The following DBX2 variants were observed in gnomAD, a reference collection of about 807,000 sequenced individuals.
DBX2 encodes the protein homeobox protein DBX2.
In DBX2, 16 loss-of-function variants were observed where a neutral mutation model predicts 17.7. The ratio of observed to expected loss-of-function variants is 0.90; its 90% CI spans 0.61 to 1.37. DBX2 has a LOEUF of 1.37. Ranked by LOEUF, DBX2 falls within the 40% of genes most tolerant of loss-of-function variation. The probability of loss-of-function intolerance (pLI) is 0.00; values close to 1 mark genes in which losing one functional copy is unlikely to be tolerated. For missense variants in DBX2, 538 were observed against 433.8 expected (o/e 1.24, Z -2.13); for synonymous variants, 255 against 183.8 (o/e 1.39, Z -3.13).
At chr12:45,017,297 C>T (rs888942862) in intron 3 of DBX2, among the ~76,000 whole-genome samples, 7 of 152,106 alleles carry the variant, frequency 4.6e-5, no homozygotes, top group African/African-American at 1.7e-4. Flanking sequence ...AGGCATCAGG[C>T]TATGCACTCG....
intron 2 of DBX2, among the ~76,000 whole-genome samples, chr12:45,025,398 G>T (rs1214517186): frequency 1.3e-5 from 2 of 152,094 alleles, no homozygotes; most frequent in Non-Finnish European, 2.9e-5. Flanking sequence ...ACCCCTGCTT[G>T]ATTTTAGCCC....
chr12:45,017,078 G>T (rs959572911), intron 3 of DBX2, among the ~76,000 whole-genome samples: 2 of 151,952 alleles, frequency 1.3e-5, no homozygotes, highest in African/African-American at 4.8e-5. Context: ...GAGCCACCAC[G>T]CCCTGCCAAA....
chr12:45,049,402 T>C (rs78705752), intron 1 of DBX2, among the ~76,000 whole-genome samples: 4,693 of 152,264 alleles, frequency 0.031, 139 homozygotes, highest in East Asian at 0.18. Context: ...GCAAAAAAGG[T>C]TCCCTAGCAT....
chr12:45,019,907 C>T (rs950224924), intron 3 of DBX2, among the ~76,000 whole-genome samples: 3 of 152,088 alleles, frequency 2.0e-5, no homozygotes, highest in African/African-American at 4.8e-5. Flanking sequence ...TAGTACTACA[C>T]AGCAAGGAAT....
Position 45,050,953 on chromosome 12 carries a change from G to A in DBX2, c.-26C>T, listed in dbSNP as rs1946530540. 7.1e-7 allele frequency: 1 copy of A among 1,401,336 alleles called. No homozygotes were observed. Among genetic ancestry groups the A allele is most frequent in the East Asian group, 3.1e-5 (1 of 32,506 alleles). The allele number at this position is 1,401,336 out of a possible 1,614,324, so 86.8% of individuals were successfully genotyped here. On this transcript the variant is annotated 5_prime_UTR_variant, in exon 1 of 4. Coordinates refer to ENST00000332700, the MANE Select transcript of DBX2 (RefSeq NM_001004329.3). ...AGTGCGGCGCCAACCGGTCTGCTGC[G>A]CGCCCGCCTTGCGCCCGCCTGTCGC...
intron 3 of DBX2, among the ~76,000 whole-genome samples, chr12:45,018,055 T>G (rs923096384): frequency 2.0e-5 from 3 of 152,174 alleles, no homozygotes; most frequent in Non-Finnish European, 4.4e-5. Flanking sequence ...GGCAATTCAG[T>G]GCAAAAGACT....
chr12:45,037,242 A>G (rs1250017553), intron 1 of DBX2, among the ~76,000 whole-genome samples: 2 of 152,200 alleles, frequency 1.3e-5, no homozygotes, highest in African/African-American at 4.8e-5. Context: ...AGTGCCTTAG[A>G]CACACCATGT....
chr12:45,031,225 T>TGTGTGA (rs1377897653), intron 2 of DBX2, among the ~76,000 whole-genome samples: 74 of 85,648 alleles, frequency 8.6e-4, no homozygotes, highest in African/African-American at 1.6e-3. Flanking sequence ...TGTGTGTGTG[T>TGTGTGA]GAGAGAGAGA....
chr12:45,036,264 C>CA, intron 1 of DBX2, 150 bp from the exon 2 acceptor site: 2 of 693,928 alleles, frequency 2.9e-6, no homozygotes, highest in Non-Finnish European at 4.3e-6. Flanking sequence ...CTTTGTCTGT[C>CA]AAAGAGCATG....
rs3990142 is a variant in DBX2, at chr12:45,034,128, C to CCACACA, written c.499+1885_499+1890dup. On this transcript the variant is annotated intron_variant, in intron 2 of 3. Coordinates refer to ENST00000332700, the MANE Select transcript of DBX2 (RefSeq NM_001004329.3). ...AATAAGTACACACACACACCCACAC[C>CCACACA]CACACACACACACACGCACATGAAT... Among the ~76,000 whole-genome samples the CCACACA allele has an allele frequency of 1.4e-4, 21 of 150,094 alleles. No individual in the cohort carries two copies. The East Asian group carries it at 3.5e-3, about 25-fold the overall frequency.
chr12:45,022,596 G>C (rs145533873), intron 3 of DBX2, among the ~76,000 whole-genome samples: 1 of 152,022 alleles, frequency 6.6e-6, no homozygotes, highest in East Asian at 1.9e-4. Context: ...GAGCCACCGC[G>C]CCCGGCCAAT....
At chr12:45,024,567 T>A (rs1565581409) in intron 2 of DBX2, among the ~76,000 whole-genome samples, 1 of 152,228 alleles carries the variant, frequency 6.6e-6, no homozygotes, top group Non-Finnish European at 1.5e-5. Context: ...ATACTTCATT[T>A]TTCTCTAATT....
intron 1 of DBX2, among the ~76,000 whole-genome samples, chr12:45,040,194 G>A (rs1289880501): frequency 6.6e-6 from 1 of 152,074 alleles, no homozygotes; most frequent in Non-Finnish European, 1.5e-5. Flanking sequence ...AGAAAAAAGT[G>A]AAAAGACTAG....
chr12:45,023,939 A>T (rs34073769), intron 2 of DBX2, 45 bp from the exon 3 acceptor site: 140,044 of 1,511,704 alleles, frequency 0.093, 7,174 homozygotes, highest in Admixed American at 0.13. Context: ...TAGCTTTAGA[A>T]AGAAGTCAGT....
At chr12:45,050,493 G>A (rs1334076098) in intron 1 of DBX2, 32 bp downstream of exon 1, 1 of 1,544,332 alleles carries the variant, frequency 6.5e-7, no homozygotes, top group African/African-American at 1.4e-5. Flanking sequence ...GGGCGCGGGC[G>A]CGGCTGGGGA....
intron 3 of DBX2, among the ~76,000 whole-genome samples, chr12:45,018,210 T>C (rs1178777444): frequency 3.9e-5 from 6 of 152,200 alleles, no homozygotes; most frequent in Admixed American, 3.9e-4. Context: ...CAAGTATTTC[T>C]AATGGGTTTT....
intron 1 of DBX2, among the ~76,000 whole-genome samples, chr12:45,050,239 A>C (rs1472478731): frequency 6.6e-6 from 1 of 152,186 alleles, no homozygotes; most frequent in African/African-American, 2.4e-5. Flanking sequence ...TTTCCCAGTT[A>C]AGGCCAAAAA....
At chr12:45,024,101 T>G (rs1026010699) in intron 2 of DBX2, among the ~76,000 whole-genome samples, 6 of 152,158 alleles carry the variant, frequency 3.9e-5, no homozygotes, top group South Asian at 2.1e-4. Context: ...GGGAGGGACC[T>G]CGTGGGAGGT....
chr12:45,050,932 C>G lies in DBX2; in HGVS notation c.-5G>C. The G allele has an allele frequency of 6.9e-7, 1 of 1,448,342 alleles. No homozygotes were observed. Among genetic ancestry groups the G allele is most frequent in the East Asian group, 3.0e-5 (1 of 33,842 alleles). The allele number at this position is 1,448,342 out of a possible 1,614,324, so 89.7% of individuals were successfully genotyped here. Reference sequence around the variant, plus strand: ...TGCGACCGCGCTGGGGAGCATAGTGCGGCGCCAACCGGTCTGCTGCGCGCC... The same window carrying G: ...TGCGACCGCGCTGGGGAGCATAGTGGGGCGCCAACCGGTCTGCTGCGCGCC... On this transcript the variant is annotated 5_prime_UTR_variant, in exon 1 of 4. Coordinates refer to ENST00000332700, the MANE Select transcript of DBX2 (RefSeq NM_001004329.3).
Sources: gnomAD v4.1 joint callset for allele counts (sites outside exome capture counted in the v4.1 genomes callset) on GRCh38, gnomAD v4.1.1 for gene constraint, MANE v1.5 for transcripts, NCBI Gene and HGNC (gene_info 2026-07-23, HGNC 2026-07-21) for gene names.